ADGRE1: variants seen among roughly 807,000 people sequenced by gnomAD.
The protein encoded by ADGRE1 is adhesion G protein-coupled receptor E1, also known as EGF-like module receptor 1.
A neutral mutation model predicts 102.7 loss-of-function variants in ADGRE1; 82 were observed. The ratio of observed to expected loss-of-function variants is 0.80; its 90% CI spans 0.67 to 0.96. The LOEUF (loss-of-function observed/expected upper bound fraction) is 0.96. Ranked by LOEUF, ADGRE1 falls within the 40% of genes least tolerant of loss-of-function variation. The pLI, the probability that ADGRE1 is intolerant of heterozygous loss-of-function variation, is 0.00. For missense variants in ADGRE1, 1,032 were observed against 1,085.3 expected (o/e 0.95, Z 0.69); for synonymous variants, 398 against 399.6 (o/e 1.00, Z 0.05).
At chr19:6,933,825 C>G (rs75938286) in intron 17 of ADGRE1, among the ~76,000 whole-genome samples, 2,741 of 152,280 alleles carry the variant, frequency 0.018, 89 homozygotes, top group African/African-American at 0.063. Context: ...ACCAAGAATG[C>G]TCTGACCCAA....
At chr19:6,929,259 C>G (rs373263896) in intron 17 of ADGRE1, among the ~76,000 whole-genome samples, 4 of 152,154 alleles carry the variant, frequency 2.6e-5, no homozygotes, top group Non-Finnish European at 5.9e-5. Flanking sequence ...CTGTGTCTTG[C>G]AAGAGAGAGG....
intron 12 of ADGRE1, 85 bp downstream of exon 12, chr19:6,916,453 T>C: frequency 6.6e-7 from 1 of 1,506,366 alleles, no homozygotes; most frequent in East Asian, 2.3e-5. Context: ...CCAAGACCAG[T>C]GCCAGATAGT....
chr19:6,891,492 T>C (rs1973370312), intron 2 of ADGRE1, among the ~76,000 whole-genome samples: 1 of 151,808 alleles, frequency 6.6e-6, no homozygotes, highest in Admixed American at 6.6e-5. Flanking sequence ...CTCGCTCTGT[T>C]GCCCAGGCTG....
At chr19:6,923,084 A>AAGAT (rs1253604086) in intron 14 of ADGRE1, among the ~76,000 whole-genome samples, 1 of 151,898 alleles carries the variant, frequency 6.6e-6, no homozygotes, top group Non-Finnish European at 1.5e-5. Context: ...CTCAAAAAGA[A>AAGAT]AGAAAGTATC....
At chr19:6,928,023 C>A in intron 16 of ADGRE1, 122 bp from the exon 17 acceptor site, 1 of 1,245,994 alleles carries the variant, frequency 8.0e-7, no homozygotes, top group Non-Finnish European at 1.1e-6. Flanking sequence ...CGGGACCATC[C>A]TGAGCATCAT....
chr19:6,919,741 C>A lies in ADGRE1; in HGVS notation c.1614C>A (p.Asn538Lys). The A allele has an allele frequency of 6.2e-7, 1 of 1,613,352 alleles. No individual in the cohort carries two copies. Among genetic ancestry groups the A allele is most frequent in the South Asian group, 1.1e-5 (1 of 91,048 alleles). Residue 538 changes from asparagine (N) to lysine (K), a missense_variant, in exon 13 of 21, where the codon AAC (asparagine) becomes AAA (lysine). By Grantham distance (94) the Asn-to-Lys change is moderately conservative. Coordinates refer to ENST00000312053, the MANE Select transcript of ADGRE1 (RefSeq NM_001974.5). The stretch of plus-strand genomic sequence containing the variant: ...ATCCAATCATCTACACTCTGGAGAA[C>A]ATTCAGGTTTGTGAAGAGGTCTCTA... ...FSDPIIYTLE[N>K]IQPKQKFERP...
At position 6,907,083 on chromosome 19, in the gene ADGRE1, CCTGA is replaced by C. The variant is rs576972532; in HGVS notation, c.1038+566_1038+569del. Among the ~76,000 whole-genome samples the C allele has an allele frequency of 4.1e-3, 617 of 152,196 alleles. 1 individual carries two copies. Among genetic ancestry groups the C allele is most frequent in the Non-Finnish European group, 6.6e-3 (447 of 68,018 alleles). ...GCCAGGCCAAAAGGAATTTGGACAT[CCTGA>C]CTGTCTAATGAAGTCATTACAATGA... is the stretch of plus-strand genomic sequence containing the variant. On this transcript the variant is annotated intron_variant, in intron 9 of 20. Transcript: ENST00000312053.
intron 6 of ADGRE1, 117 bp from the exon 7 acceptor site, chr19:6,903,693 A>C: frequency 7.6e-7 from 1 of 1,308,768 alleles, no homozygotes. Context: ...TAGGAAATGT[A>C]GTCCCTGGCT....
At chr19:6,889,341 C>A (rs140924232) in intron 1 of ADGRE1, among the ~76,000 whole-genome samples, 1 of 151,666 alleles carries the variant, frequency 6.6e-6, no homozygotes, top group Non-Finnish European at 1.5e-5. Flanking sequence ...ATAATGATGG[C>A]GATAATGATG....
intron 2 of ADGRE1, among the ~76,000 whole-genome samples, chr19:6,892,996 T>A (rs367603214): frequency 6.6e-5 from 10 of 152,148 alleles, no homozygotes; most frequent in African/African-American, 2.4e-4. Context: ...CCACTATCCT[T>A]TCCAGCCTCT....
intron 6 of ADGRE1, 75 bp downstream of exon 6, chr19:6,902,096 T>C: frequency 1.3e-6 from 2 of 1,523,428 alleles, no homozygotes; most frequent in South Asian, 1.2e-5. Flanking sequence ...TTAGGGTGGG[T>C]CTTGGTTGAG....
At chr19:6,926,768 G>A (rs758676671) in intron 16 of ADGRE1, among the ~76,000 whole-genome samples, 167 bp downstream of exon 16, 3 of 152,154 alleles carry the variant, frequency 2.0e-5, no homozygotes, top group Non-Finnish European at 4.4e-5. Context: ...CAGCAGCATG[G>A]GTTGTGCACT....
At chr19:6,931,568 C>T (rs941050500) in intron 17 of ADGRE1, among the ~76,000 whole-genome samples, 15 of 152,056 alleles carry the variant, frequency 9.9e-5, no homozygotes, top group Non-Finnish European at 1.8e-4. Context: ...GAGGCCGAGG[C>T]GGGTGGATCA....
intron 17 of ADGRE1, chr19:6,928,415 C>A: frequency 7.7e-7 from 1 of 1,303,048 alleles, no homozygotes; most frequent in South Asian, 1.5e-5. Flanking sequence ...CACCTGAGGT[C>A]AGGAGTTCGA....
intron 2 of ADGRE1, among the ~76,000 whole-genome samples, chr19:6,894,757 T>A (rs1037995409): frequency 1.3e-5 from 2 of 152,012 alleles, no homozygotes; most frequent in Admixed American, 1.3e-4. Flanking sequence ...TGGAGGACAA[T>A]GGGGTATATA....
chr19:6,926,730 G>C (rs1974928244), intron 16 of ADGRE1, 129 bp downstream of exon 16: 3 of 917,010 alleles, frequency 3.3e-6, no homozygotes, highest in South Asian at 3.2e-5. Flanking sequence ...CTTCTATTAT[G>C]TACTATTGGT....
chr19:6,903,965 T>G lies in ADGRE1; in HGVS notation c.802+15T>G. The G allele has an allele frequency of 6.2e-7, 1 of 1,614,188 alleles. No homozygotes were observed. On this transcript the variant is annotated intron_variant, in intron 7 of 20. Coordinates refer to ENST00000312053, the MANE Select transcript of ADGRE1 (RefSeq NM_001974.5). ...GGAATGTAGAGGTGAGCAGAGAGTT[T>G]GATGGACAATCCAGAAAAGACATTT...
At chr19:6,900,058 C>T (rs1021673140) in intron 5 of ADGRE1, among the ~76,000 whole-genome samples, 22 of 150,638 alleles carry the variant, frequency 1.5e-4, no homozygotes, top group Non-Finnish European at 2.9e-4. Context: ...CACACCACTG[C>T]GCTCCAGCCT....
At position 6,928,322 on chromosome 19, in the gene ADGRE1, C is replaced by T. The variant is rs566795109; in HGVS notation, c.2289+111C>T. On this transcript the variant is annotated intron_variant, in intron 17 of 20. Coordinates refer to ENST00000312053, the MANE Select transcript of ADGRE1 (RefSeq NM_001974.5). ...GTGCAGCTGAGAGGGTCACTTATTC[C>T]CATCAAAAGTTCTCCTTTCCAGGCC... is the stretch of plus-strand genomic sequence containing the variant. The T allele has an allele frequency of 2.0e-4, 323 of 1,595,358 alleles. 3 individuals are homozygous for T. The Middle Eastern group carries it at 5.4e-3, about 27-fold the overall frequency.
Sources: gnomAD v4.1 joint callset for allele counts (sites outside exome capture counted in the v4.1 genomes callset) on GRCh38, gnomAD v4.1.1 for gene constraint, MANE v1.5 for transcripts, NCBI Gene and HGNC (gene_info 2026-07-23, HGNC 2026-07-21) for gene names.